SNX20: variants seen among roughly 807,000 people sequenced by gnomAD.
SNX20 encodes the protein sorting nexin 20.
Under a neutral mutation model 24.5 loss-of-function variants are expected in SNX20, and 21 were observed. That is an observed-to-expected ratio of 0.86 (90% CI 0.61 to 1.23). SNX20 has a LOEUF of 1.23. Ranked by LOEUF, SNX20 falls within the 50% of genes most tolerant of loss-of-function variation. The probability of loss-of-function intolerance (pLI) is 0.00; values close to 1 mark genes in which losing one functional copy is unlikely to be tolerated. For synonymous variants in SNX20, 206 were observed against 192.8 expected, an observed-to-expected ratio of 1.07 and a Z score of -0.57; for missense variants, 433 against 430.8, an observed-to-expected ratio of 1.00 and a Z score of -0.04.
rs755456612 is a variant in SNX20, at chr16:50,674,051, C to A, written c.306G>T (p.Gln102His). 1.0e-5 allele frequency: 16 copies of A among 1,605,266 alleles called. No homozygotes were observed. In the South Asian group the frequency reaches 1.8e-4, roughly 18 times the overall value. ...KFVVYQIIVI[Q>H]TGSFDNNKAV... is the part of the protein sequence containing the mutation. ...CCTTGTTGTTGTCAAAGCTCCCAGT[C>A]TGGATGACGATGATTTGGTACACCT... is the stretch of plus-strand genomic sequence containing the variant. The change falls in exon 4 of 4, where the codon CAG (glutamine) becomes CAT (histidine). Residue 102 changes from glutamine (Q) to histidine (H), a missense_variant. Physicochemically the swap from Gln to His is conservative, Grantham distance 24 (BLOSUM62 0). Transcript: ENST00000330943.
intron 2 of SNX20, 25 bp downstream of exon 2, chr16:50,677,372 A>G (rs781278669): frequency 6.4e-7 from 1 of 1,554,088 alleles, no homozygotes; most frequent in Non-Finnish European, 8.7e-7. Flanking sequence ...TCTCCCCCAG[A>G]CCGAGTCTCA....
At chr16:50,675,124 C>T (rs1326506566) in intron 3 of SNX20, among the ~76,000 whole-genome samples, 2 of 152,192 alleles carry the variant, frequency 1.3e-5, no homozygotes, top group African/African-American at 4.8e-5. Flanking sequence ...TGTTATTTAT[C>T]CCGGTCCCAG....
In SNX20 at chr16:50,672,185, G is replaced by A. The variant is rs1963064347; in HGVS notation, c.*1221C>T. On this transcript the variant is annotated 3_prime_UTR_variant, in exon 4 of 4. Coordinates refer to ENST00000330943, the MANE Select transcript of SNX20 (RefSeq NM_182854.4). The stretch of plus-strand genomic sequence containing the variant: ...AAGGGCATCCCAGTCCATCAGAGAA[G>A]TTCCAGGATCACAGACCCTCAAAAG... 1 of 152,204 alleles carries A rather than the reference G, an allele frequency of 6.6e-6. No homozygotes were observed. Among genetic ancestry groups the A allele is most frequent in the South Asian group, 2.1e-4 (1 of 4,830 alleles). The allele number at this position is 152,204 out of a possible 1,614,324, so 9.4% of individuals were successfully genotyped here. A position where few individuals can be genotyped will look rare whatever the true frequency, so the allele number is the denominator to read the frequency against.
rs753879529 is a variant in SNX20, at chr16:50,673,686, G to A, written c.671C>T (p.Ala224Val). The change falls in exon 4 of 4, where the codon GCG (alanine) becomes GTG (valine). Residue 224 changes from alanine (A) to valine (V), a missense_variant. Ala to Val is a moderately conservative substitution (Grantham distance 64). Transcript: ENST00000330943. The surrounding 1 kb of genome is among the most constrained non-coding windows in gnomAD (Gnocchi z 4.1). ...GGCGCACAGGGCCGGGACGGCGGCC[G>A]CAGGGCAGTGGGCGGTGAGCTTCTC... ...LQEKLTAHCP[A>V]AAVPALCAVL... 123 of 1,494,442 alleles carry A rather than the reference G, an allele frequency of 8.2e-5. No homozygotes were observed. In the South Asian group the frequency reaches 1.4e-3, roughly 17 times the overall value. 92.6% of individuals were successfully genotyped at this position (1,494,442 alleles called of 1,614,324 possible).
At position 50,677,409 on chromosome 16, in the gene SNX20, C is replaced by T. The variant is rs1297397634; in HGVS notation, c.118G>A (p.Asp40Asn). Residue 40 changes from aspartate (D) to asparagine (N), a missense_variant, in exon 2 of 4, where the codon GAC becomes AAC. Transcript: ENST00000330943. ...GCCTCAAGCCCACCTAAGTGCCCGTCAGGTCCTGGGTGCGGGAGGTCGGGG... is the reference window on the plus strand; with the variant it reads ...GCCTCAAGCCCACCTAAGTGCCCGTTAGGTCCTGGGTGCGGGAGGTCGGGG... The part of the protein sequence containing the change: ...TGPDLPHPGP[D>N]GHLDTHSGLS... The T allele has an allele frequency of 5.6e-6, 9 of 1,596,012 alleles. No homozygotes were observed. Among genetic ancestry groups the T allele is most frequent in the Non-Finnish European group, 7.7e-6 (9 of 1,170,560 alleles).
In SNX20 at chr16:50,673,423, G is replaced by A. The variant is rs199531677; in HGVS notation, c.934C>T (p.Arg312Ter). 34 of 1,562,292 alleles carry A rather than the reference G, an allele frequency of 2.2e-5. No homozygotes were observed. The highest frequency in any genetic ancestry group is 1.1e-4 in the Admixed American group (6 of 53,420). The change falls in exon 4 of 4, where the codon CGA becomes TGA. Residue 312 changes from arginine (R) to a stop codon, truncating the protein, a stop_gained. Transcript: ENST00000330943. LOFTEE classifies it high-confidence loss of function. This position sits in a 1 kb window ranked among gnomAD's most constrained non-coding sequence, Gnocchi z 4.1. ...AGGCCGGCTCAGTGCAGGTATTCTC[G>A]CACAGTGAGCTCCTTCAGGGTGATG... ...RGITLKELTV[R>*]EYLH
At chr16:50,678,670 T>G (rs1045368106) in intron 1 of SNX20, among the ~76,000 whole-genome samples, 2 of 152,210 alleles carry the variant, frequency 1.3e-5, no homozygotes, top group Admixed American at 6.5e-5. Context: ...TCTCTCCACC[T>G]TACTCAGGGA....
At chr16:50,669,090 G>T, downstream of SNX20, 1 of 1,548,594 alleles carries the variant, frequency 6.5e-7, no homozygotes, top group East Asian at 2.4e-5. Flanking sequence ...TTCTGGTGCT[G>T]TCCCTGTCTC....
intron 1 of SNX20, 125 bp from the exon 2 acceptor site, chr16:50,677,660 G>C (rs1046395338): frequency 9.4e-7 from 1 of 1,064,014 alleles, no homozygotes; most frequent in Non-Finnish European, 1.3e-6. Context: ...GGGCCCCACG[G>C]CTCAACCTTC....
At position 50,672,929 on chromosome 16, in the gene SNX20, A is replaced by G. The variant is rs1963082792; in HGVS notation, c.*477T>C. 6.6e-6 allele frequency: 1 copy of G among 152,388 alleles called. No individual in the cohort carries two copies. The highest frequency in any genetic ancestry group is 2.4e-5 in the African/African-American group (1 of 41,392). 9.4% of individuals were successfully genotyped at this position (152,388 alleles called of 1,614,324 possible). The stretch of plus-strand genomic sequence containing the variant: ...CCAGGAGCACCTCTGTCCAATACAG[A>G]TGGAGAAATTGAGGACCAGAGGAGG... On this transcript the variant is annotated 3_prime_UTR_variant, in exon 4 of 4. Coordinates refer to ENST00000330943, the MANE Select transcript of SNX20 (RefSeq NM_182854.4).
rs2150761015 is a variant in SNX20 at position 50,673,924 on chromosome 16, G to C, written c.433C>G (p.Leu145Val). The C allele has an allele frequency of 6.2e-7, 1 of 1,612,362 alleles. No individual in the cohort carries two copies. The highest frequency in any genetic ancestry group is 1.1e-5 in the South Asian group (1 of 90,822). Residue 145 changes from leucine to valine, a missense_variant, in exon 4 of 4, where the codon CTG becomes GTG. By Grantham distance (32) the Leu-to-Val change is conservative. Coordinates refer to ENST00000330943, the MANE Select transcript of SNX20 (RefSeq NM_182854.4). This position sits in a 1 kb window ranked among gnomAD's most constrained non-coding sequence, Gnocchi z 4.1. ...IEDVEFPRKHLTGNFAEEMIC... is the reference protein window; with the variant it reads ...IEDVEFPRKHVTGNFAEEMIC... Reference sequence around the variant, plus strand: ...ATCTCCTCAGCGAAGTTCCCAGTCAGGTGCTTCCTGGGAAACTCCACGTCT... The same window carrying C: ...ATCTCCTCAGCGAAGTTCCCAGTCACGTGCTTCCTGGGAAACTCCACGTCT...
At chr16:50,671,116 T>C (rs1402581931), downstream of SNX20, 1 of 128,322 alleles carries the variant, frequency 7.8e-6, no homozygotes, top group Non-Finnish European at 1.6e-5. Context: ...CTATCTGTGA[T>C]TTTGAGATGA....
intron 1 of SNX20, among the ~76,000 whole-genome samples, chr16:50,678,050 T>TAA (rs111467014): frequency 6.6e-6 from 1 of 150,534 alleles, no homozygotes; most frequent in African/African-American, 2.4e-5. Flanking sequence ...CTAGAAAAAA[T>TAA]AAAAAAAAAT....
At chr16:50,675,730 A>C in intron 3 of SNX20, 40 bp downstream of exon 3, 13 of 1,606,564 alleles carry the variant, frequency 8.1e-6, no homozygotes, top group Non-Finnish European at 1.1e-5. Flanking sequence ...GGAAGGAAGC[A>C]GAGTGAAAGA....
intron 3 of SNX20, among the ~76,000 whole-genome samples, chr16:50,675,155 A>G (rs1437365521): frequency 6.6e-6 from 1 of 152,234 alleles, no homozygotes; most frequent in Non-Finnish European, 1.5e-5. Flanking sequence ...GAGAAGGATG[A>G]AGTGTGGCTC....
At chr16:50,667,171 T>G (rs1962934044), downstream of SNX20, 1 of 152,290 alleles carries the variant, frequency 6.6e-6, no homozygotes, top group Non-Finnish European at 1.5e-5. Flanking sequence ...GGACCTGCCT[T>G]GCAAGGCTTC....
chr16:50,675,662 G>A, intron 3 of SNX20, 108 bp downstream of exon 3: 1 of 1,388,370 alleles, frequency 7.2e-7, no homozygotes, highest in South Asian at 1.3e-5. Flanking sequence ...GTGAGTTAGT[G>A]TGTTGACCCA....
chr16:50,676,493 A>C (rs569583496), intron 2 of SNX20, among the ~76,000 whole-genome samples: 150 of 152,194 alleles, frequency 9.9e-4, no homozygotes, highest in Non-Finnish European at 1.8e-3. Flanking sequence ...GAAAACGAAC[A>C]CAGTGTTTCT....
Position 50,675,853 on chromosome 16 carries a change from G to C in SNX20, c.199C>G (p.Gln67Glu), listed in dbSNP as rs1197914576. ...TTGACGTGCTTCCAGCGGCATTTCT[G>C]GTTCTGCCAGTACTGCTGAAGCTCC... is the stretch of plus-strand genomic sequence containing the variant. ...TRELQQYWQN[Q>E]KCRWKHVKLL... Residue 67 changes from glutamine (Q) to glutamate (E), a missense_variant, in exon 3 of 4, where the codon CAG (glutamine) becomes GAG (glutamate). By Grantham distance (29) the Gln-to-Glu change is conservative. Transcript: ENST00000330943. The C allele has an allele frequency of 6.2e-7, 1 of 1,613,484 alleles. No homozygotes were observed. Among genetic ancestry groups the C allele is most frequent in the Non-Finnish European group, 8.5e-7 (1 of 1,179,798 alleles).
Sources: gnomAD v4.1 joint callset for allele counts (sites outside exome capture counted in the v4.1 genomes callset) on GRCh38, gnomAD v4.1.1 for gene constraint, Gnocchi (gnomAD v3.1) non-coding constraint, MANE v1.5 for transcripts, NCBI Gene and HGNC (gene_info 2026-07-23, HGNC 2026-07-21) for gene names.